The following TRPM7 variants were observed in gnomAD, a reference collection of about 807,000 sequenced individuals.
The protein encoded by TRPM7 is transient receptor potential cation channel subfamily M member 7.
Under a neutral mutation model 229.7 loss-of-function variants are expected in TRPM7, and 134 were observed. The observed-to-expected ratio is 0.58, with a 90% CI of 0.51 to 0.67. The LOEUF (loss-of-function observed/expected upper bound fraction) is 0.67. Among genes scored for constraint, TRPM7 ranks in the 30% least tolerant of loss-of-function variants. The pLI is 0.00. For synonymous variants in TRPM7, 699 were observed against 715.2 expected (o/e 0.98, Z 0.36); for missense variants, 1,901 against 2,210.0 (o/e 0.86, Z 2.80).
At chr15:50,628,097 T>G (rs1174732280) in intron 11 of TRPM7, 52 bp downstream of exon 11, 32 of 1,313,364 alleles carry the variant, frequency 2.4e-5, no homozygotes, top group Admixed American at 1.2e-4. Context: ...CAAATACTTT[T>G]TTATTACTTA....
chr15:50,568,023 G>A (rs1349219431), intron 38 of TRPM7, among the ~76,000 whole-genome samples: 1 of 144,600 alleles, frequency 6.9e-6, no homozygotes, highest in Non-Finnish European at 1.5e-5. Context: ...AGCTTGCAGT[G>A]AGCGGAGACC....
chr15:50,578,195 CT>C (rs1220928877), intron 31 of TRPM7, among the ~76,000 whole-genome samples: 6 of 152,170 alleles, frequency 3.9e-5, no homozygotes, highest in African/African-American at 1.4e-4. Context: ...GCACTATACA[CT>C]TCGATAAAAG....
intron 22 of TRPM7, 22 bp downstream of exon 22, chr15:50,599,100 T>C: frequency 2.0e-6 from 3 of 1,524,094 alleles, no homozygotes; most frequent in Non-Finnish European, 2.7e-6. Context: ...AAAAGATAAA[T>C]CTGTAAATAT....
chr15:50,656,651 T>C (rs2061582475), intron 3 of TRPM7, among the ~76,000 whole-genome samples: 1 of 152,096 alleles, frequency 6.6e-6, no homozygotes, highest in South Asian at 2.1e-4. Flanking sequence ...GGTTTTTTGT[T>C]TTTGTTTTTA....
intron 29 of TRPM7, chr15:50,582,457 T>A (rs2054467851): frequency 6.6e-6 from 1 of 152,222 alleles, no homozygotes; most frequent in African/African-American, 2.4e-5. Context: ...TTGACTCCCA[T>A]GAGTTCTAAA....
Position 50,607,234 on chromosome 15 carries a change from T to C in TRPM7, c.2675A>G (p.Tyr892Cys). The C allele has an allele frequency of 6.2e-7, 1 of 1,611,380 alleles. No homozygotes were observed. The highest frequency in any genetic ancestry group is 8.5e-7 in the Non-Finnish European group (1 of 1,178,862). Reference protein sequence around the residue: ...PSVQEWIVIAYIFTYAIEKVR... With the variant: ...PSVQEWIVIACIFTYAIEKVR... ...TTTCTCAATGGCATAAGTAAAAATA[T>C]AAGCAATAACAATCCATTCTTGAAC... The change falls in exon 20 of 39, where the codon TAT becomes TGT. Residue 892 changes from tyrosine to cysteine, a missense_variant. Physicochemically the swap from Tyr to Cys is radical, Grantham distance 194. This residue lies in a region of TRPM7 where 207 missense variants were observed against 241.5 expected (regional missense o/e 0.86). Coordinates refer to ENST00000646667, the MANE Select transcript of TRPM7 (RefSeq NM_017672.6).
rs543422238 is a variant in TRPM7 at position 50,661,858 on chromosome 15, C to CTCTA, written c.83+1108_83+1109insTAGA. Among the ~76,000 whole-genome samples, 11 of 152,212 alleles carry CTCTA rather than the reference C, an allele frequency of 7.2e-5. No individual in the cohort carries two copies. The South Asian group carries it at 2.3e-3, about 32-fold the overall frequency. ...CTAAGTGCCCATGAAGAAAAGTGCTCTATAGGTTAGGAAATAACTATATCT... is the reference window on the plus strand; with the variant it reads ...CTAAGTGCCCATGAAGAAAAGTGCTCTCTATATAGGTTAGGAAATAACTATATCT... On this transcript the variant is annotated intron_variant, in intron 2 of 38. Coordinates refer to ENST00000646667, the MANE Select transcript of TRPM7 (RefSeq NM_017672.6).
intron 3 of TRPM7, among the ~76,000 whole-genome samples, chr15:50,652,898 G>A (rs1032416991): frequency 3.3e-5 from 5 of 152,030 alleles, no homozygotes; most frequent in Admixed American, 2.0e-4. Flanking sequence ...ACACTGGCTC[G>A]TGCCTGTAAT....
intron 26 of TRPM7, among the ~76,000 whole-genome samples, chr15:50,590,059 T>C (rs552158001): frequency 1.3e-5 from 2 of 152,124 alleles, no homozygotes; most frequent in Non-Finnish European, 2.9e-5. Flanking sequence ...GGTTTCACCA[T>C]GTTAGCCAGG....
chr15:50,660,478 C>T (rs957484069), intron 2 of TRPM7, among the ~76,000 whole-genome samples: 1 of 151,968 alleles, frequency 6.6e-6, no homozygotes, highest in South Asian at 2.1e-4. Flanking sequence ...CATGGTGAAA[C>T]CCCTGTCTCT....
At chr15:50,619,223 CTTTTTTTT>C (rs71124388) in intron 13 of TRPM7, among the ~76,000 whole-genome samples, 1 of 137,282 alleles carries the variant, frequency 7.3e-6, no homozygotes, top group Non-Finnish European at 1.6e-5. Flanking sequence ...GCTTTTTTTT[CTTTTTTTT>C]TTTTTTTGAG....
At chr15:50,615,924 C>G (rs780323400) in intron 13 of TRPM7, among the ~76,000 whole-genome samples, 16 of 152,096 alleles carry the variant, frequency 1.1e-4, no homozygotes, top group Non-Finnish European at 1.9e-4. Flanking sequence ...TTGGTTTCAT[C>G]TGTGAAATTT....
chr15:50,562,988 A>G (rs2053394768), intron 38 of TRPM7, among the ~76,000 whole-genome samples: 1 of 152,160 alleles, frequency 6.6e-6, no homozygotes, highest in African/African-American at 2.4e-5. Flanking sequence ...GACTGTCAGA[A>G]GGAATGGACT....
In TRPM7 at chr15:50,657,754, T is replaced by C. The variant is rs371333053; in HGVS notation, c.122+27A>G. On this transcript the variant is annotated intron_variant, in intron 3 of 38. Transcript: ENST00000646667. ...TTAGTTTTATTTATTTTCCGAAATT[T>C]GTGCGGTATAGTTATGTTAAACTTA... is the stretch of plus-strand genomic sequence containing the variant. 22 of 1,603,720 alleles carry C rather than the reference T, an allele frequency of 1.4e-5. No individual in the cohort carries two copies. In the African/African-American group the frequency reaches 1.9e-4, roughly 14 times the overall value.
At chr15:50,577,129 G>A (rs866403072) in intron 31 of TRPM7, among the ~76,000 whole-genome samples, 5 of 151,564 alleles carry the variant, frequency 3.3e-5, no homozygotes, top group Non-Finnish European at 7.4e-5. Flanking sequence ...GGGGGCGGGA[G>A]GCGTGGAATT....
chr15:50,579,187 T>G (rs2054281061), intron 30 of TRPM7, among the ~76,000 whole-genome samples: 1 of 152,210 alleles, frequency 6.6e-6, no homozygotes, highest in Non-Finnish European at 1.5e-5. Flanking sequence ...ATGCAGGTTC[T>G]TTTACTTCCA....
chr15:50,621,945 G>T (rs1452712938), intron 12 of TRPM7, among the ~76,000 whole-genome samples: 2 of 151,930 alleles, frequency 1.3e-5, no homozygotes, highest in Non-Finnish European at 2.9e-5. Flanking sequence ...CAGGAGAATC[G>T]CTTGAACCTG....
At chr15:50,619,278 T>G (rs1203781481) in intron 13 of TRPM7, among the ~76,000 whole-genome samples, 1 of 151,452 alleles carries the variant, frequency 6.6e-6, no homozygotes, top group Non-Finnish European at 1.5e-5. Flanking sequence ...TGGAATGCAG[T>G]GGCAAGATCA....
intron 13 of TRPM7, among the ~76,000 whole-genome samples, chr15:50,617,279 T>G (rs1332395203): frequency 2.0e-5 from 3 of 147,620 alleles, no homozygotes; most frequent in South Asian, 4.3e-4. Flanking sequence ...TGGGTGCAGT[T>G]AGCCAAAATC....
Sources: allele counts gnomAD v4.1 joint callset (sites outside exome capture counted in the v4.1 genomes callset), GRCh38; gene constraint gnomAD v4.1.1; regional missense constraint gnomAD v4.1.1; transcripts MANE v1.5; gene names NCBI Gene and HGNC (gene_info 2026-07-23, HGNC 2026-07-21).